Variants in MARVELD2 observed in about 807,000 individuals in gnomAD.
MARVELD2 encodes the protein MARVEL domain-containing protein 2.
MARVELD2 carries 49 observed loss-of-function variants against 57.6 expected under a neutral mutation model. The observed-to-expected ratio is 0.85, with a 90% confidence interval of 0.68 to 1.08. The LOEUF (loss-of-function observed/expected upper bound fraction) is 1.08, where lower values mean the gene tolerates loss of function less well. Ranked by LOEUF, MARVELD2 falls within the 50% of genes least tolerant of loss-of-function variation. The pLI is 0.00. For synonymous variants in MARVELD2, 238 were observed against 258.8 expected, an observed-to-expected ratio of 0.92 and a Z score of 0.77; for missense variants, 606 against 701.1, an observed-to-expected ratio of 0.86 and a Z score of 1.53.
chr5:69,430,679 G>A (rs193279450), intron 3 of MARVELD2, among the ~76,000 whole-genome samples: 2,150 of 151,510 alleles, frequency 0.014, 59 homozygotes, highest in African/African-American at 0.05. Context: ...GATTACAGGC[G>A]CACACCACCA....
chr5:69,419,413 C>A lies in MARVELD2; in HGVS notation c.28C>A (p.Arg10=), dbSNP rs756888886. 2.5e-6 allele frequency: 4 copies of A among 1,614,006 alleles called. No homozygotes were observed. In the Admixed American group the frequency reaches 6.7e-5, roughly 27 times the overall value. The stretch of plus-strand genomic sequence containing the variant: ...GTCAAATGATGGAAGATCCAGGAAT[C>A]GGGACAGGCGCTACGATGAGGTCCC... MSNDGRSRN[R]DRRYDEVPSD... is the part of the protein sequence containing the mutation. Residue 10 remains arginine (R), a synonymous_variant, in exon 2 of 7, where the codon CGG becomes AGG. Coordinates refer to ENST00000325631, the MANE Select transcript of MARVELD2 (RefSeq NM_001038603.3).
At position 69,433,047 on chromosome 5, in the gene MARVELD2, T is replaced by C. The variant is rs1205324278; in HGVS notation, c.1457T>C (p.Leu486Pro). 1 of 1,613,936 alleles carries C rather than the reference T, an allele frequency of 6.2e-7. No homozygotes were observed. The highest frequency in any genetic ancestry group is 8.5e-7 in the Non-Finnish European group (1 of 1,180,014). ...GCTGTCCTGAGGAAGTTTGATGAGC[T>C]GGATGCAGTGATGAGCAGATTGCCA... ...VQAVLRKFDE[L>P]DAVMSRLPHH... The change falls in exon 5 of 7, where the codon CTG becomes CCG. Residue 486 changes from leucine (L) to proline (P), a missense_variant. Physicochemically the swap from Leu to Pro is moderately conservative, Grantham distance 98. Coordinates refer to ENST00000325631, the MANE Select transcript of MARVELD2 (RefSeq NM_001038603.3).
At chr5:69,437,689 A>T (rs1443053147) in intron 5 of MARVELD2, among the ~76,000 whole-genome samples, 1 of 151,734 alleles carries the variant, frequency 6.6e-6, no homozygotes, top group Non-Finnish European at 1.5e-5. Flanking sequence ...GTCTCAAAAA[A>T]AAAAAACAAA....
intron 3 of MARVELD2, among the ~76,000 whole-genome samples, chr5:69,426,527 G>A (rs299101): frequency 0.48 from 72,379 of 151,154 alleles, 17,451 homozygotes; most frequent in South Asian, 0.53. Flanking sequence ...TAGAGACAGG[G>A]TTTCACCATG....
At chr5:69,437,018 G>T (rs150214217) in intron 5 of MARVELD2, among the ~76,000 whole-genome samples, 1 of 151,398 alleles carries the variant, frequency 6.6e-6, no homozygotes, top group Non-Finnish European at 1.5e-5. Context: ...GTGAAACCGC[G>T]TCTCTACTAA....
chr5:69,416,060 G>C (rs1269896319), intron 1 of MARVELD2, among the ~76,000 whole-genome samples: 1 of 152,182 alleles, frequency 6.6e-6, no homozygotes, highest in Non-Finnish European at 1.5e-5. Context: ...TGGATAGGGT[G>C]GTTTGATTCA....
Position 69,432,929 on chromosome 5 carries a change from C to G in MARVELD2, c.1339C>G (p.Pro447Ala). The stretch of plus-strand genomic sequence containing the variant: ...CTTATGTTTTTCCCCTAGAAAATAC[C>G]CTGTGATTCAGACAGATGATGAGCG... ...IVMPDYVAKY[P>A]VIQTDDERER... The change falls in exon 5 of 7, where the codon CCT becomes GCT. Residue 447 changes from proline to alanine, a missense_variant. By Grantham distance (27) the Pro-to-Ala change is conservative (BLOSUM62 -1). Coordinates refer to ENST00000325631, the MANE Select transcript of MARVELD2 (RefSeq NM_001038603.3). The G allele has an allele frequency of 6.2e-7, 1 of 1,614,048 alleles. No homozygotes were observed. Among genetic ancestry groups the G allele is most frequent in the South Asian group, 1.1e-5 (1 of 91,080 alleles).
chr5:69,419,893 C>G lies in MARVELD2; in HGVS notation c.508C>G (p.Arg170Gly). 1 of 1,614,096 alleles carries G rather than the reference C, an allele frequency of 6.2e-7. No individual in the cohort carries two copies. Reference protein sequence around the residue: ...GSLDRHTQTVRTYSEKVEEYN... With the variant: ...GSLDRHTQTVGTYSEKVEEYN... ...TCTAGACCGACACACACAAACAGTT[C>G]GAACATACAGTGAGAAGGTGGAGGA... is the stretch of plus-strand genomic sequence containing the variant. The change falls in exon 2 of 7, where the codon CGA (arginine) becomes GGA (glycine). Residue 170 changes from arginine (R) to glycine (G), a missense_variant. Transcript: ENST00000325631.
At chr5:69,416,165 T>G (rs1442312516) in intron 1 of MARVELD2, among the ~76,000 whole-genome samples, 2 of 152,278 alleles carry the variant, frequency 1.3e-5, no homozygotes. Flanking sequence ...CTGTAAATGC[T>G]GTGTAAAACT....
intron 3 of MARVELD2, among the ~76,000 whole-genome samples, chr5:69,428,810 T>C (rs1026965057): frequency 2.0e-5 from 3 of 152,178 alleles, no homozygotes; most frequent in East Asian, 1.9e-4. Flanking sequence ...GAGATCTGGA[T>C]TGTTAAACAT....
chr5:69,426,747 G>A (rs184835246), intron 3 of MARVELD2, among the ~76,000 whole-genome samples: 4 of 152,288 alleles, frequency 2.6e-5, no homozygotes, highest in East Asian at 3.9e-4. Context: ...CAGGCTGAGG[G>A]CAGCCGCAAA....
At chr5:69,421,724 A>C (rs1157284316) in intron 2 of MARVELD2, among the ~76,000 whole-genome samples, 1 of 151,274 alleles carries the variant, frequency 6.6e-6, no homozygotes, top group African/African-American at 2.4e-5. Flanking sequence ...GGCATCCCAA[A>C]GTGCTGGGAT....
At chr5:69,440,853 C>T (rs896695077) in intron 6 of MARVELD2, among the ~76,000 whole-genome samples, 17 of 152,166 alleles carry the variant, frequency 1.1e-4, no homozygotes, top group Non-Finnish European at 4.4e-5. Flanking sequence ...GAAGCCAAGG[C>T]GAGTGGAACG....
chr5:69,439,461 T>C (rs1337322359), intron 5 of MARVELD2, among the ~76,000 whole-genome samples: 1 of 151,752 alleles, frequency 6.6e-6, no homozygotes, highest in Non-Finnish European at 1.5e-5. Context: ...CTTTTAGAAC[T>C]ATAAATTACT....
At chr5:69,432,442 T>G in intron 3 of MARVELD2, 85 bp from the exon 4 acceptor site, 6 of 1,467,782 alleles carry the variant, frequency 4.1e-6, no homozygotes, top group Non-Finnish European at 5.6e-6. Context: ...CACCTGATCT[T>G]CTTCCTCATT....
chr5:69,420,169 T>G lies in MARVELD2; in HGVS notation c.784T>G (p.Leu262Val). The G allele has an allele frequency of 6.2e-7, 1 of 1,614,192 alleles. No homozygotes were observed. The highest frequency in any genetic ancestry group is 1.1e-5 in the South Asian group (1 of 91,078). The change falls in exon 2 of 7, where the codon TTA becomes GTA. Residue 262 changes from leucine to valine, a missense_variant. Leu to Val is a conservative substitution (Grantham distance 32). Coordinates refer to ENST00000325631, the MANE Select transcript of MARVELD2 (RefSeq NM_001038603.3). ...CCCTTTTGTACTCGTGGTTGCTGGATTAGCTTGGATCACCACCATTATTAT... is the reference window on the plus strand; with the variant it reads ...CCCTTTTGTACTCGTGGTTGCTGGAGTAGCTTGGATCACCACCATTATTAT... ...KTPFVLVVAG[L>V]AWITTIIILV...
chr5:69,423,151 C>T (rs1382439013), intron 2 of MARVELD2, among the ~76,000 whole-genome samples: 1 of 152,190 alleles, frequency 6.6e-6, no homozygotes, highest in African/African-American at 2.4e-5. Context: ...CTGCCTTGGC[C>T]TCCCAGAGTG....
intron 2 of MARVELD2, among the ~76,000 whole-genome samples, chr5:69,423,896 T>C (rs1379181545): frequency 6.6e-6 from 1 of 152,240 alleles, no homozygotes; most frequent in Admixed American, 6.5e-5. Context: ...CCTTCACATG[T>C]ATTAAATTTT....
In MARVELD2 at chr5:69,420,511, G is replaced by T; in HGVS notation, c.1126G>T (p.Glu376Ter). Residue 376 changes from glutamate to a stop codon, truncating the protein, a stop_gained, in exon 2 of 7, where the codon GAA becomes TAA. Coordinates refer to ENST00000325631, the MANE Select transcript of MARVELD2 (RefSeq NM_001038603.3). LOFTEE classifies it high-confidence loss of function. ...WRHEAARRHR[E>*]YMEQQEINEP... Reference sequence around the variant, plus strand: ...GCATGAGGCAGCTCGGAGACATAGAGAATATATGGAACAACAGGAGGTAAG... The same window carrying T: ...GCATGAGGCAGCTCGGAGACATAGATAATATATGGAACAACAGGAGGTAAG... 1 of 1,611,478 alleles carries T rather than the reference G, an allele frequency of 6.2e-7. No homozygotes were observed. The highest frequency in any genetic ancestry group is 1.1e-5 in the South Asian group (1 of 91,080).
Sources: gnomAD v4.1 joint callset for allele counts (sites outside exome capture counted in the v4.1 genomes callset) on GRCh38, gnomAD v4.1.1 for gene constraint, MANE v1.5 for transcripts, NCBI Gene and HGNC (gene_info 2026-07-23, HGNC 2026-07-21) for gene names.